Variants in PDK4 observed in about 807,000 individuals in gnomAD.
PDK4 encodes the protein pyruvate dehydrogenase kinase 4.
A neutral mutation model predicts 51.7 loss-of-function variants in PDK4; 43 were observed. The ratio of observed to expected loss-of-function variants is 0.83; its 90% CI spans 0.65 to 1.07. The LOEUF (loss-of-function observed/expected upper bound fraction) is 1.07. Ranked by LOEUF, PDK4 falls within the 50% of genes least tolerant of loss-of-function variation. The probability of loss-of-function intolerance (pLI) is 0.00; values close to 1 mark genes in which losing one functional copy is unlikely to be tolerated. For synonymous variants in PDK4, 170 were observed against 176.6 expected (o/e 0.96, Z 0.30); for missense variants, 498 against 503.5 (o/e 0.99, Z 0.10).
In PDK4 at chr7:95,587,552, A is replaced by G. The variant is rs780129342; in HGVS notation, c.871-24T>C. The G allele has an allele frequency of 2.0e-5, 29 of 1,433,090 alleles. No individual in the cohort carries two copies. The South Asian group carries it at 3.0e-4, about 15-fold the overall frequency. The allele number at this position is 1,433,090 out of a possible 1,614,324, so 88.8% of individuals were successfully genotyped here. ...ATCTAAAACAAACAAACAAGTCATC[A>G]AAGCCACACATTAAAAACAATGTGC... On this transcript the variant is annotated intron_variant, in intron 8 of 10. Transcript: ENST00000005178.
Position 95,585,527 on chromosome 7 carries a change from G to A in PDK4, c.*114C>T. On this transcript the variant is annotated 3_prime_UTR_variant, in exon 11 of 11. Coordinates refer to ENST00000005178, the MANE Select transcript of PDK4 (RefSeq NM_002612.4). ...ATTGGATCAGTGTTCTGATTAAGGA[G>A]TTTTCGTTGCTGTCGTTTGTTTTGG... is the stretch of plus-strand genomic sequence containing the variant. 2 of 928,442 alleles carry A rather than the reference G, an allele frequency of 2.2e-6. No individual in the cohort carries two copies. Among genetic ancestry groups the A allele is most frequent in the Admixed American group, 2.3e-5 (1 of 42,622 alleles). The allele number at this position is 928,442 out of a possible 1,614,324, so 57.5% of individuals were successfully genotyped here. A position where few individuals can be genotyped will look rare whatever the true frequency, so the allele number is the denominator to read the frequency against.
At position 95,585,617 on chromosome 7, in the gene PDK4, G is replaced by T; in HGVS notation, c.*24C>A. On this transcript the variant is annotated 3_prime_UTR_variant, in exon 11 of 11. Transcript: ENST00000005178. ...ACTGGTGTAGACCCACTTTGATCCC[G>T]TAAAGTGTCCTGAGTGTCCCTCTTC... 1 of 1,586,818 alleles carries T rather than the reference G, an allele frequency of 6.3e-7. No homozygotes were observed. Among genetic ancestry groups the T allele is most frequent in the Non-Finnish European group, 8.6e-7 (1 of 1,160,960 alleles).
chr7:95,593,631 A>T, intron 3 of PDK4, 68 bp downstream of exon 3: 2 of 787,336 alleles, frequency 2.5e-6, no homozygotes, highest in East Asian at 4.9e-5. Flanking sequence ...TTAGGTCTAA[A>T]AATATCTTAG....
In PDK4 at chr7:95,596,389, G is replaced by C. The variant is rs1023335632; in HGVS notation, c.-96C>G. Reference sequence around the variant, plus strand: ...GGTTCCGAGGGGGCGCGGCGCGTCCGGGCGAGGACTGCAGGTGCGCTGGCT... The same window carrying C: ...GGTTCCGAGGGGGCGCGGCGCGTCCCGGCGAGGACTGCAGGTGCGCTGGCT... On this transcript the variant is annotated 5_prime_UTR_variant, in exon 1 of 11. Transcript: ENST00000005178. 3 of 1,360,268 alleles carry C rather than the reference G, an allele frequency of 2.2e-6. No individual in the cohort carries two copies. The highest frequency in any genetic ancestry group is 3.2e-5 in the Admixed American group (1 of 31,482). 84.3% of individuals were successfully genotyped at this position (1,360,268 alleles called of 1,614,324 possible).
At position 95,584,251 on chromosome 7, in the gene PDK4, A is replaced by T. The variant is rs1449897671; in HGVS notation, c.*1390T>A. On this transcript the variant is annotated 3_prime_UTR_variant, in exon 11 of 11. Transcript: ENST00000005178. ...TCCTCTTGCCAATGACATATCCCAG[A>T]AAATACAGATTTTTTTTGAAATAAT... is the stretch of plus-strand genomic sequence containing the variant. 1 of 152,192 alleles carries T rather than the reference A, an allele frequency of 6.6e-6. No homozygotes were observed. Among genetic ancestry groups the T allele is most frequent in the Non-Finnish European group, 1.5e-5 (1 of 68,026 alleles). 9.4% of individuals were successfully genotyped at this position (152,192 alleles called of 1,614,324 possible).
chr7:95,592,486 G>A, intron 5 of PDK4, 25 bp downstream of exon 5: 1 of 1,283,598 alleles, frequency 7.8e-7, no homozygotes, highest in Non-Finnish European at 1.1e-6. Context: ...TTTCAATAAG[G>A]GAAGTGCAGA....
intron 1 of PDK4, 24 bp downstream of exon 1, chr7:95,596,140 C>T (rs1490677013): frequency 2.5e-6 from 4 of 1,593,506 alleles, no homozygotes. Context: ...TAGGACCCAG[C>T]TTGGGCCCTG....
chr7:95,587,502 G>A lies in PDK4; in HGVS notation c.897C>T (p.Pro299=), dbSNP rs754714471. Residue 299 remains proline, a synonymous_variant, in exon 9 of 11, where the codon CCC becomes CCT. Transcript: ENST00000005178. ...IKISDRGGGV[P]LRIIDRLFSY... is the part of the protein sequence containing the mutation. ...TAAAGAGGCGGTCAATAATTCTCAG[G>A]GGAACACCACCTCCTCTGTCTGAAA... 6.2e-6 allele frequency: 10 copies of A among 1,605,110 alleles called. No individual in the cohort carries two copies.
intron 1 of PDK4, 28 bp downstream of exon 1, chr7:95,596,136 C>A: frequency 6.3e-7 from 1 of 1,589,288 alleles, no homozygotes; most frequent in Non-Finnish European, 8.6e-7. Context: ...ACCCTAGGAC[C>A]CAGCTTGGGC....
intron 6 of PDK4, among the ~76,000 whole-genome samples, chr7:95,591,080 C>T (rs1222656680): frequency 2.6e-5 from 4 of 151,970 alleles, no homozygotes; most frequent in Admixed American, 6.6e-5. Flanking sequence ...TGGGACTACA[C>T]GTGTGTGCCA....
chr7:95,596,082 C>T (rs1353572336), intron 1 of PDK4, 82 bp downstream of exon 1: 9 of 1,430,040 alleles, frequency 6.3e-6, no homozygotes, highest in African/African-American at 3.0e-5. Context: ...TAGCTTGAGC[C>T]TAGCCCTCCC....
intron 2 of PDK4, chr7:95,594,813 TCTA>T: frequency 2.9e-6 from 1 of 343,396 alleles, no homozygotes; most frequent in Non-Finnish European, 5.2e-6. Context: ...TATAAAGTAA[TCTA>T]CTTTTTCAGG....
chr7:95,594,839 G>A (rs1013484081), intron 2 of PDK4, 184 bp downstream of exon 2: 71 of 384,974 alleles, frequency 1.8e-4, no homozygotes, highest in African/African-American at 1.3e-3. Context: ...AAAAATGTCT[G>A]TTTATAGTTT....
In PDK4 at chr7:95,591,699, G is replaced by A. The variant is rs868449339; in HGVS notation, c.694+289C>T. On this transcript the variant is annotated intron_variant, in intron 6 of 10. Transcript: ENST00000005178. ...TCTCTTTATCCCTCATATTCTATAGGAAGTAATCTTTCTTTGATCTAAGAT... is the reference window on the plus strand; with the variant it reads ...TCTCTTTATCCCTCATATTCTATAGAAAGTAATCTTTCTTTGATCTAAGAT... 2.0e-5 allele frequency among the ~76,000 whole-genome samples: 3 copies of A among 152,058 alleles called. No homozygotes were observed. The South Asian group carries it at 6.2e-4, about 31-fold the overall frequency.
chr7:95,587,302 T>C, intron 9 of PDK4, 116 bp downstream of exon 9: 1 of 751,432 alleles, frequency 1.3e-6, no homozygotes, highest in Non-Finnish European at 2.3e-6. Flanking sequence ...CATTCTTATA[T>C]CCTTCATGTC....
chr7:95,591,058 C>A (rs1231193564), intron 6 of PDK4, among the ~76,000 whole-genome samples: 3 of 152,170 alleles, frequency 2.0e-5, no homozygotes, highest in Non-Finnish European at 4.4e-5. Flanking sequence ...TCACCTCAGC[C>A]TCCTGAGCAG....
chr7:95,592,780 C>T lies in PDK4; in HGVS notation c.509G>A (p.Arg170Gln), dbSNP rs774742462. ...CTTACTGTGCTGGTTCATCAGCATC[C>T]GAGTAGAAATACGGTTCATGTAAAA... ...DRFYMNRISTRMLMNQHILIF... is the reference protein window; with the variant it reads ...DRFYMNRISTQMLMNQHILIF... Residue 170 changes from arginine (R) to glutamine (Q), a missense_variant, in exon 4 of 11, where the codon CGG (arginine) becomes CAG (glutamine). By Grantham distance (43) the Arg-to-Gln change is conservative. Coordinates refer to ENST00000005178, the MANE Select transcript of PDK4 (RefSeq NM_002612.4). The T allele has an allele frequency of 5.0e-6, 8 of 1,611,798 alleles. No homozygotes were observed. Among genetic ancestry groups the T allele is most frequent in the Admixed American group, 1.7e-5 (1 of 59,924 alleles).
In PDK4 at chr7:95,592,028, A is replaced by T. The variant is rs1229655014; in HGVS notation, c.654T>A (p.Tyr218Ter). 8 of 1,583,030 alleles carry T rather than the reference A, an allele frequency of 5.1e-6. No individual in the cohort carries two copies. Among genetic ancestry groups the T allele is most frequent in the Non-Finnish European group, 6.9e-6 (8 of 1,163,150 alleles). Residue 218 changes from tyrosine (Y) to a stop codon, truncating the protein, a stop_gained, in exon 6 of 11, where the codon TAT (tyrosine) becomes TAA (stop). Transcript: ENST00000005178. LOFTEE classifies it high-confidence loss of function. ...GCTTTAATTCTGGAGATGATAAATA[A>T]TACTGATCACAGAGCATCCTTGAAC... Reference protein sequence around the residue: ...FECSRMLCDQYYLSSPELKLT... With the variant: ...FECSRMLCDQ
At position 95,596,497 on chromosome 7, in the gene PDK4, G is replaced by C; in HGVS notation, c.-204C>G. ...GGCAGAGTCGGAGATGCAGTGGTTCGAGATTCAAGTTCAAGTCTTCCCACC... is the reference window on the plus strand; with the variant it reads ...GGCAGAGTCGGAGATGCAGTGGTTCCAGATTCAAGTTCAAGTCTTCCCACC... On this transcript the variant is annotated 5_prime_UTR_variant, in exon 1 of 11. Transcript: ENST00000005178. The C allele has an allele frequency of 9.6e-6, 5 of 521,302 alleles. No homozygotes were observed. In the South Asian group the frequency reaches 1.5e-4, roughly 16 times the overall value. 32.3% of individuals were successfully genotyped at this position (521,302 alleles called of 1,614,324 possible). A position where few individuals can be genotyped will look rare whatever the true frequency, so the allele number is the denominator to read the frequency against.
Sources: allele counts gnomAD v4.1 joint callset (sites outside exome capture counted in the v4.1 genomes callset), GRCh38; gene constraint gnomAD v4.1.1; transcripts MANE v1.5; gene names NCBI Gene and HGNC (gene_info 2026-07-23, HGNC 2026-07-21).